The following MAPK10 variants were observed in gnomAD, a reference collection of about 807,000 sequenced individuals.
MAPK10 encodes the protein JNK3 alpha protein kinase.
In MAPK10, 25 loss-of-function variants were observed where a neutral mutation model predicts 59.3. The ratio of observed to expected loss-of-function variants is 0.42; its 90% CI spans 0.31 to 0.59. The LOEUF is 0.59. Among genes scored for constraint, MAPK10 ranks in the 20% least tolerant of loss-of-function variants. The pLI is 0.15. For missense variants in MAPK10, 351 were observed against 568.9 expected (o/e 0.62, Z 3.90); for synonymous variants, 190 against 200.5 (o/e 0.95, Z 0.44).
intron 3 of MAPK10, among the ~76,000 whole-genome samples, chr4:86,187,885 A>G (rs991011384): frequency 2.0e-5 from 3 of 152,102 alleles, no homozygotes; most frequent in African/African-American, 7.2e-5. Context: ...TGTCATCTAC[A>G]TTAGGTGTTT....
At chr4:86,042,199 A>G (rs1271409792) in intron 11 of MAPK10, among the ~76,000 whole-genome samples, 5 of 152,242 alleles carry the variant, frequency 3.3e-5, no homozygotes, top group African/African-American at 7.2e-5. Context: ...CATCATCCTC[A>G]GCAAACTAAC....
intron 4 of MAPK10, among the ~76,000 whole-genome samples, chr4:86,138,632 G>T (rs1386709889): frequency 6.8e-6 from 1 of 147,220 alleles, no homozygotes; most frequent in Non-Finnish European, 1.5e-5. Flanking sequence ...GCACAAGACA[G>T]GGATGCCCTC....
intron 9 of MAPK10, among the ~76,000 whole-genome samples, chr4:86,078,805 C>A (rs1037244440): frequency 2.0e-5 from 3 of 152,052 alleles, no homozygotes; most frequent in African/African-American, 7.2e-5. Flanking sequence ...GCCTGACCAA[C>A]ATAGAGAAAC....
At chr4:86,217,230 T>C (rs2087946751) in intron 2 of MAPK10, among the ~76,000 whole-genome samples, 3 of 152,190 alleles carry the variant, frequency 2.0e-5, no homozygotes, top group African/African-American at 7.2e-5. Flanking sequence ...CTTCCTAAAA[T>C]TCATGTATTT....
At chr4:86,261,852 G>A (rs1049490048) in intron 2 of MAPK10, among the ~76,000 whole-genome samples, 1 of 152,224 alleles carries the variant, frequency 6.6e-6, no homozygotes, top group Non-Finnish European at 1.5e-5. Flanking sequence ...AGAAAGCAAA[G>A]AGTATAGCTC....
intron 1 of MAPK10, among the ~76,000 whole-genome samples, chr4:86,359,328 G>C (rs1433798487): frequency 2.1e-4 from 30 of 141,772 alleles, no homozygotes; most frequent in East Asian, 6.2e-4. Context: ...GTGTGTGTGT[G>C]TGTTTCTCTC....
intron 1 of MAPK10, among the ~76,000 whole-genome samples, chr4:86,378,870 C>T (rs1740230216): frequency 6.6e-6 from 1 of 152,124 alleles, no homozygotes; most frequent in African/African-American, 2.4e-5. Context: ...AGGCAATATA[C>T]AAACTGTAAA....
chr4:86,090,707 G>A (rs1324564025), intron 9 of MAPK10: 2 of 152,034 alleles, frequency 1.3e-5, no homozygotes, highest in Non-Finnish European at 2.9e-5. Context: ...ACTGTCCAAA[G>A]AGACCAGTTT....
intron 1 of MAPK10, among the ~76,000 whole-genome samples, chr4:86,556,207 TTC>T (rs1460497969): frequency 2.6e-5 from 4 of 152,188 alleles, no homozygotes; most frequent in Non-Finnish European, 5.9e-5. Flanking sequence ...ATGGAACCTG[TTC>T]TGTATCCATA....
intron 2 of MAPK10, among the ~76,000 whole-genome samples, chr4:86,262,663 GTGAA>G (rs1250200245): frequency 1.3e-5 from 2 of 152,150 alleles, no homozygotes; most frequent in Non-Finnish European, 2.9e-5. Context: ...TAATTAATGA[GTGAA>G]TGAATGAATG....
chr4:86,315,964 A>G (rs1402298697), intron 2 of MAPK10, among the ~76,000 whole-genome samples: 1 of 152,092 alleles, frequency 6.6e-6, no homozygotes, highest in Admixed American at 6.6e-5. Context: ...TATACTTAAG[A>G]CTCTTCTCTT....
At chr4:86,029,662 G>T (rs1055268813) in intron 12 of MAPK10, among the ~76,000 whole-genome samples, 9 of 151,852 alleles carry the variant, frequency 5.9e-5, no homozygotes, top group African/African-American at 2.2e-4. Flanking sequence ...GAATTCTTTG[G>T]GGGAAGTACT....
chr4:86,435,500 A>C (rs915321131), intron 1 of MAPK10, among the ~76,000 whole-genome samples: 2 of 150,998 alleles, frequency 1.3e-5, no homozygotes, highest in African/African-American at 4.9e-5. Flanking sequence ...GCCATCTCAC[A>C]AAAAAAAAGG....
intron 12 of MAPK10, 119 bp downstream of exon 12, chr4:86,031,249 C>G: frequency 1.4e-6 from 1 of 714,534 alleles, no homozygotes. Flanking sequence ...TAAAAATGGT[C>G]TAAGAGAATA....
In MAPK10 at chr4:86,030,872, G is replaced by C. The variant is rs149918897; in HGVS notation, c.1174+496C>G. Among the ~76,000 whole-genome samples the C allele has an allele frequency of 1.3e-3, 199 of 152,220 alleles. 1 individual carries two copies. The highest frequency in any genetic ancestry group is 4.7e-3 in the African/African-American group (194 of 41,550). ...TGTAGTGATTTAGATTAGTAGATTA[G>C]ATTAATAGGCTACTCAGATACACAT... is the stretch of plus-strand genomic sequence containing the variant. On this transcript the variant is annotated intron_variant, in intron 12 of 13. Coordinates refer to ENST00000641462, the MANE Select transcript of MAPK10 (RefSeq NM_138982.4).
intron 1 of MAPK10, among the ~76,000 whole-genome samples, chr4:86,533,165 T>C (rs184223910): frequency 2.3e-3 from 349 of 152,214 alleles, no homozygotes; most frequent in Non-Finnish European, 4.3e-3. Flanking sequence ...AGAAAGATAC[T>C]GTATGATTTC....
At chr4:86,577,035 G>A (rs1364749176) in intron 1 of MAPK10, among the ~76,000 whole-genome samples, 1 of 152,076 alleles carries the variant, frequency 6.6e-6, no homozygotes, top group Non-Finnish European at 1.5e-5. Context: ...CCACTATATT[G>A]GCTTACACAT....
chr4:86,130,283 A>G (rs1047546052), intron 4 of MAPK10, among the ~76,000 whole-genome samples: 1 of 152,110 alleles, frequency 6.6e-6, no homozygotes, highest in African/African-American at 2.4e-5. Context: ...GATAATATAA[A>G]AAACTTCATA....
chr4:86,214,528 A>C (rs374013732), intron 2 of MAPK10, among the ~76,000 whole-genome samples: 54 of 151,194 alleles, frequency 3.6e-4, no homozygotes, highest in East Asian at 2.9e-3. Flanking sequence ...AAAAAAAAAA[A>C]AAAAAAACTG....
Sources: allele counts gnomAD v4.1 joint callset (sites outside exome capture counted in the v4.1 genomes callset), GRCh38; gene constraint gnomAD v4.1.1; transcripts MANE v1.5; gene names NCBI Gene and HGNC (gene_info 2026-07-23, HGNC 2026-07-21).